Variants in CCL20 observed in about 807,000 individuals in gnomAD.
CCL20 encodes C-C motif chemokine ligand 20, also known as C-C motif chemokine 20.
In CCL20, 8 loss-of-function variants were observed where a neutral mutation model predicts 10.8. The observed-to-expected ratio is 0.74, with a 90% CI of 0.44 to 1.34. The LOEUF (loss-of-function observed/expected upper bound fraction) is 1.34, where lower values mean the gene tolerates loss of function less well. Among genes scored for constraint, CCL20 ranks in the 40% most tolerant of loss-of-function variants. The pLI is 0.01. For synonymous variants in CCL20, 40 were observed against 39.4 expected (o/e 1.02, Z -0.06); for missense variants, 107 against 117.9 (o/e 0.91, Z 0.43).
chr2:227,816,184 T>G, intron 2 of CCL20, 123 bp from the exon 3 acceptor site: 1 of 532,044 alleles, frequency 1.9e-6, no homozygotes, highest in Non-Finnish European at 3.3e-6. Context: ...TGCATTTTAT[T>G]TTACCTCATC....
At position 227,816,304 on chromosome 2, in the gene CCL20, C is replaced by G; in HGVS notation, c.192-3C>G. On this transcript the variant is annotated splice_region_variant and splice_polypyrimidine_tract_variant and intron_variant, in intron 2 of 3. Transcript: ENST00000358813. ...ACACAAATCAAATTTTCTGATTTTT[C>G]AGCTTTCACACAAAGAAAAAGTTGT... 1 of 1,597,612 alleles carries G rather than the reference C, an allele frequency of 6.3e-7. No homozygotes were observed. The highest frequency in any genetic ancestry group is 8.6e-7 in the Non-Finnish European group (1 of 1,166,116).
rs3138115 is a variant in CCL20 at position 227,815,676 on chromosome 2, G to C, written c.191+108G>C. On this transcript the variant is annotated intron_variant, in intron 2 of 3. Coordinates refer to ENST00000358813, the MANE Select transcript of CCL20 (RefSeq NM_004591.3). The stretch of plus-strand genomic sequence containing the variant: ...TTCATTCAGAAATTACTGATGTTTT[G>C]AACATAAGATCTTATTTTAAAGAGA... The C allele has an allele frequency of 2.8e-3, 1,812 of 636,228 alleles. 27 individuals are homozygous for C. The African/African-American group carries it at 0.03, about 11-fold the overall frequency. 39.4% of individuals were successfully genotyped at this position (636,228 alleles called of 1,614,324 possible).
At chr2:227,814,488 T>G (rs183819725) in intron 1 of CCL20, among the ~76,000 whole-genome samples, 1 of 148,460 alleles carries the variant, frequency 6.7e-6, no homozygotes, top group Admixed American at 6.6e-5. Flanking sequence ...TTACAGCATG[T>G]TGTAATCTGA....
rs185481824 is a variant in CCL20 at position 227,816,217 on chromosome 2, T to G, written c.192-90T>G. The G allele has an allele frequency of 3.6e-5, 25 of 694,880 alleles. No homozygotes were observed. In the African/African-American group the frequency reaches 4.4e-4, roughly 12 times the overall value. 43.0% of individuals were successfully genotyped at this position (694,880 alleles called of 1,614,324 possible). ...ATCAACTGAAATGTTTAGTGTGTAA[T>G]CAACTGGAATATAAAATTTCCATTG... On this transcript the variant is annotated intron_variant, in intron 2 of 3. Transcript: ENST00000358813.
At chr2:227,815,798 A>AT (rs576660837) in intron 2 of CCL20, 16 of 380,278 alleles carry the variant, frequency 4.2e-5, no homozygotes, top group African/African-American at 6.3e-5. Flanking sequence ...TTTTTTAAAA[A>AT]TTTTTTTTGG....
At position 227,813,992 on chromosome 2, in the gene CCL20, G is replaced by A; in HGVS notation, c.76+5G>A. 1.2e-6 allele frequency: 2 copies of A among 1,613,088 alleles called. No individual in the cohort carries two copies. Among genetic ancestry groups the A allele is most frequent in the African/African-American group, 1.3e-5 (1 of 75,030 alleles). ...ACCTCTGCGGCGAATCAGAAGGTAA[G>A]TGTCGCTCTTTCCGCTAGCACAGAA... is the stretch of plus-strand genomic sequence containing the variant. On this transcript the variant is annotated splice_donor_5th_base_variant and intron_variant, in intron 1 of 3. Coordinates refer to ENST00000358813, the MANE Select transcript of CCL20 (RefSeq NM_004591.3).
chr2:227,815,525 A>G lies in CCL20; in HGVS notation c.148A>G (p.Thr50Ala). The G allele has an allele frequency of 6.2e-7, 1 of 1,611,538 alleles. No homozygotes were observed. The highest frequency in any genetic ancestry group is 1.3e-5 in the African/African-American group (1 of 74,858). ...ILHPKFIVGF[T>A]RQLANEGCDI... ...TCATCCTAAATTTATTGTGGGCTTCACACGGCAGCTGGCCAATGAAGGCTG... is the reference window on the plus strand; with the variant it reads ...TCATCCTAAATTTATTGTGGGCTTCGCACGGCAGCTGGCCAATGAAGGCTG... Residue 50 changes from threonine to alanine, a missense_variant, in exon 2 of 4, where the codon ACA becomes GCA. Physicochemically the swap from Thr to Ala is moderately conservative, Grantham distance 58 (BLOSUM62 0). Transcript: ENST00000358813.
intron 2 of CCL20, 94 bp from the exon 3 acceptor site, chr2:227,816,213 G>A (rs1415438747): frequency 3.0e-6 from 2 of 672,474 alleles, no homozygotes; most frequent in African/African-American, 1.8e-5. Context: ...TGTTTAGTGT[G>A]TAATCAACTG....
At chr2:227,814,054 C>G in intron 1 of CCL20, 67 bp downstream of exon 1, 1 of 1,350,836 alleles carries the variant, frequency 7.4e-7, no homozygotes, top group Non-Finnish European at 1.1e-6. Flanking sequence ...GCCTTGAGCT[C>G]AACTGGGGGT....
chr2:227,815,605 G>A, intron 2 of CCL20, 37 bp downstream of exon 2: 1 of 1,136,824 alleles, frequency 8.8e-7, no homozygotes, highest in Non-Finnish European at 1.3e-6. Flanking sequence ...GTTGTATCAG[G>A]AATACCTAGA....
At chr2:227,817,020 A>G (rs1194089672) in intron 3 of CCL20, 42 bp from the exon 4 acceptor site, 4 of 1,527,208 alleles carry the variant, frequency 2.6e-6, no homozygotes, top group Non-Finnish European at 3.6e-6. Context: ...CCATGCAGTC[A>G]CCTTGTCATT....
chr2:227,817,128 A>G lies in CCL20; in HGVS notation c.*45A>G. The G allele has an allele frequency of 6.5e-7, 1 of 1,536,584 alleles. No homozygotes were observed. The highest frequency in any genetic ancestry group is 9.0e-7 in the Non-Finnish European group (1 of 1,111,876). ...ATGGAATTGGACATAGCCCAAGAAC[A>G]GAAAGAACCTTGCTGGGGTTGGAGG... On this transcript the variant is annotated 3_prime_UTR_variant, in exon 4 of 4. Transcript: ENST00000358813.
chr2:227,816,366 A>T lies in CCL20; in HGVS notation c.251A>T (p.Tyr84Phe). The change falls in exon 3 of 4, where the codon TAT becomes TTT. Residue 84 changes from tyrosine to phenylalanine, a missense_variant. By Grantham distance (22) the Tyr-to-Phe change is conservative (BLOSUM62 3). Coordinates refer to ENST00000358813, the MANE Select transcript of CCL20 (RefSeq NM_004591.3). Reference protein sequence around the residue: ...CANPKQTWVKYIVRLLSKKVK... With the variant: ...CANPKQTWVKFIVRLLSKKVK... ...AATCCAAAACAGACTTGGGTGAAAT[A>T]TATTGTGCGTCTCCTCAGGTATGTT... is the stretch of plus-strand genomic sequence containing the variant. 6.2e-7 allele frequency: 1 copy of T among 1,602,846 alleles called. No homozygotes were observed. The highest frequency in any genetic ancestry group is 8.5e-7 in the Non-Finnish European group (1 of 1,170,042).
chr2:227,816,426 A>C, intron 3 of CCL20, 42 bp downstream of exon 3: 1 of 1,212,426 alleles, frequency 8.2e-7, no homozygotes, highest in East Asian at 2.4e-5. Context: ...TGTTTGAGGA[A>C]AGAGGAGTGT....
rs1690025775 is a variant in CCL20, at chr2:227,816,379, C to T, written c.264C>T (p.Leu88=). 2.5e-6 allele frequency: 4 copies of T among 1,583,940 alleles called. No homozygotes were observed. Among genetic ancestry groups the T allele is most frequent in the Non-Finnish European group, 3.5e-6 (4 of 1,153,130 alleles). ...CTTGGGTGAAATATATTGTGCGTCTCCTCAGGTATGTTACACTGACATTTA... is the reference window on the plus strand; with the variant it reads ...CTTGGGTGAAATATATTGTGCGTCTTCTCAGGTATGTTACACTGACATTTA... ...KQTWVKYIVR[L]LSKKVKNM The change falls in exon 3 of 4, where the codon CTC becomes CTT. Residue 88 remains leucine (L), a synonymous_variant. Transcript: ENST00000358813.
intron 3 of CCL20, 66 bp from the exon 4 acceptor site, chr2:227,816,996 C>A: frequency 7.7e-7 from 1 of 1,303,436 alleles, no homozygotes; most frequent in Non-Finnish European, 1.1e-6. Flanking sequence ...CTTTAGGTAC[C>A]AAAGTCATTC....
chr2:227,817,247 G>A lies in CCL20; in HGVS notation c.*164G>A. The A allele has an allele frequency of 2.0e-6, 1 of 504,306 alleles. No individual in the cohort carries two copies. The highest frequency in any genetic ancestry group is 3.6e-6 in the Non-Finnish European group (1 of 273,998). 31.2% of individuals were successfully genotyped at this position (504,306 alleles called of 1,614,324 possible). A position where few individuals can be genotyped will look rare whatever the true frequency, so the allele number is the denominator to read the frequency against. On this transcript the variant is annotated 3_prime_UTR_variant, in exon 4 of 4. Coordinates refer to ENST00000358813, the MANE Select transcript of CCL20 (RefSeq NM_004591.3). ...TGAAGTTGATTCATATTGCATCATA[G>A]TTTGCTTTGTTTAAGCATCACATTA...
rs907125643 is a variant in CCL20, at chr2:227,815,892, C to T, written c.191+324C>T. On this transcript the variant is annotated intron_variant, in intron 2 of 3. Coordinates refer to ENST00000358813, the MANE Select transcript of CCL20 (RefSeq NM_004591.3). ...AGGAAAATAGGGAAGATACACATTT[C>T]GAAATGAGCATCTTCTACCAGAAAG... 2.1e-4 allele frequency: 51 copies of T among 245,636 alleles called. 3 individuals carry two copies. In the South Asian group the frequency reaches 3.6e-3, roughly 17 times the overall value. The allele number at this position is 245,636 out of a possible 1,614,324, so 15.2% of individuals were successfully genotyped here.
Position 227,817,118 on chromosome 2 carries a change from G to A in CCL20, c.*35G>A, listed in dbSNP as rs1690035040. ...CTTTTCTGGAATGGAATTGGACATA[G>A]CCCAAGAACAGAAAGAACCTTGCTG... is the stretch of plus-strand genomic sequence containing the variant. On this transcript the variant is annotated 3_prime_UTR_variant, in exon 4 of 4. Coordinates refer to ENST00000358813, the MANE Select transcript of CCL20 (RefSeq NM_004591.3). 3 of 1,580,792 alleles carry A rather than the reference G, an allele frequency of 1.9e-6. No homozygotes were observed. The South Asian group carries it at 3.4e-5, about 18-fold the overall frequency.
Sources: allele counts gnomAD v4.1 joint callset (sites outside exome capture counted in the v4.1 genomes callset), GRCh38; gene constraint gnomAD v4.1.1; transcripts MANE v1.5; gene names NCBI Gene and HGNC (gene_info 2026-07-23, HGNC 2026-07-21).